The following ST3GAL1 variants were observed in gnomAD, a reference collection of about 807,000 sequenced individuals.
The protein encoded by ST3GAL1 is ST3 beta-galactoside alpha-2,3-sialyltransferase 1.
ST3GAL1 carries 16 observed loss-of-function variants against 34.1 expected under a neutral mutation model. The observed-to-expected ratio is 0.47, with a 90% CI of 0.32 to 0.71. The LOEUF is 0.71. Among genes scored for constraint, ST3GAL1 ranks in the 30% least tolerant of loss-of-function variants. The pLI, the probability that ST3GAL1 is intolerant of heterozygous loss-of-function variation, is 0.04. For synonymous variants in ST3GAL1, 191 were observed against 184.7 expected, an observed-to-expected ratio of 1.03 and a Z score of -0.28; for missense variants, 353 against 447.4, an observed-to-expected ratio of 0.79 and a Z score of 1.90.
intron 2 of ST3GAL1, among the ~76,000 whole-genome samples, chr8:133,524,990 G>A (rs981993801): frequency 7.2e-5 from 11 of 152,232 alleles, no homozygotes; most frequent in Admixed American, 5.2e-4. Context: ...CACCTGCAAC[G>A]TGGTGAATGG....
rs1343903944 is a variant in ST3GAL1, at chr8:133,552,469, G to C, written c.-581-6543C>G. On this transcript the variant is annotated intron_variant, in intron 1 of 9. Coordinates refer to ENST00000522652, the MANE Select transcript of ST3GAL1 (RefSeq NM_173344.3). ...GCTGCATGTCGAGAACCAGGTTTAT[G>C]GGCAGAAATTCTGGGTGTGTGAACC... 2.0e-5 allele frequency among the ~76,000 whole-genome samples: 3 copies of C among 152,292 alleles called. No individual in the cohort carries two copies. In the East Asian group the frequency reaches 5.8e-4, roughly 29 times the overall value.
chr8:133,503,481 C>T (rs1817245444), intron 2 of ST3GAL1, among the ~76,000 whole-genome samples: 1 of 152,048 alleles, frequency 6.6e-6, no homozygotes, highest in East Asian at 1.9e-4. Flanking sequence ...ATCTCCGCCA[C>T]CCCTCCTTGA....
rs139525153 is a variant in ST3GAL1 at position 133,461,931 on chromosome 8, G to A, written c.793C>T (p.Arg265Ter). 2.3e-5 allele frequency: 37 copies of A among 1,614,070 alleles called. No individual in the cohort carries two copies. Among genetic ancestry groups the A allele is most frequent in the Non-Finnish European group, 3.0e-5 (35 of 1,180,030 alleles). ...VFDNWLQGHG[R>*]YPSTGILSVI... ...GAGAGGATGCCGGTAGATGGGTATC[G>A]CCCGTGCCCTTGCAGCCAGTTGTCA... Residue 265 changes from arginine (R) to a stop codon, truncating the protein, a stop_gained, in exon 9 of 10, where the codon CGA (arginine) becomes TGA (stop). Transcript: ENST00000522652. LOFTEE classifies it high-confidence loss of function. The surrounding 1 kb of genome is among the most constrained non-coding windows in gnomAD (Gnocchi z 4.7).
intron 2 of ST3GAL1, among the ~76,000 whole-genome samples, chr8:133,509,954 G>C (rs1817458459): frequency 6.6e-6 from 1 of 152,058 alleles, no homozygotes; most frequent in East Asian, 1.9e-4. Flanking sequence ...AGCTACTCGG[G>C]TGGCTGAGGC....
Position 133,457,412 on chromosome 8 carries a change from T to C in ST3GAL1, c.*2352A>G, listed in dbSNP as rs1815340281. 6.6e-6 allele frequency: 1 copy of C among 152,202 alleles called. No homozygotes were observed. The highest frequency in any genetic ancestry group is 2.4e-5 in the African/African-American group (1 of 41,452). 9.4% of individuals were successfully genotyped at this position (152,202 alleles called of 1,614,324 possible). ...GGGAGAGTTGAGGAGATAGCATCGC[T>C]CTCTGTATCAGTGTCTGATGATCTG... is the stretch of plus-strand genomic sequence containing the variant. On this transcript the variant is annotated 3_prime_UTR_variant, in exon 10 of 10. Transcript: ENST00000522652.
rs374095413 is a variant in ST3GAL1, at chr8:133,466,092, T to C, written c.307-2A>G. ...GGGCTTCTTCTCCCGCTGGAGCCTCTGTGGGCGGAGGACAGAAGGTGGTCA... is the reference window on the plus strand; with the variant it reads ...GGGCTTCTTCTCCCGCTGGAGCCTCCGTGGGCGGAGGACAGAAGGTGGTCA... On this transcript the variant is annotated splice_acceptor_variant, in intron 5 of 9. Transcript: ENST00000522652. LOFTEE classifies it high-confidence loss of function. The surrounding 1 kb of genome is among the most constrained non-coding windows in gnomAD (Gnocchi z 4.4). The C allele has an allele frequency of 1.9e-6, 3 of 1,609,822 alleles. No homozygotes were observed. Among genetic ancestry groups the C allele is most frequent in the Non-Finnish European group, 2.5e-6 (3 of 1,177,018 alleles).
rs771312717 is a variant in ST3GAL1, at chr8:133,463,399, G to T, written c.729+15C>A. 3.7e-6 allele frequency: 6 copies of T among 1,613,416 alleles called. No homozygotes were observed. The highest frequency in any genetic ancestry group is 5.1e-6 in the Non-Finnish European group (6 of 1,179,706). The stretch of plus-strand genomic sequence containing the variant: ...AGCCTGAACTTAGAACAGAGGGGCC[G>T]GGGCCTCCACTCACCTTATCCTGTT... On this transcript the variant is annotated intron_variant, in intron 8 of 9. Coordinates refer to ENST00000522652, the MANE Select transcript of ST3GAL1 (RefSeq NM_173344.3).
At chr8:133,511,602 C>G (rs535197271) in intron 2 of ST3GAL1, among the ~76,000 whole-genome samples, 1 of 152,368 alleles carries the variant, frequency 6.6e-6, no homozygotes, top group Non-Finnish European at 1.5e-5. Context: ...AAACTTAGGT[C>G]ACCAGGCTCC....
intron 2 of ST3GAL1, among the ~76,000 whole-genome samples, chr8:133,540,432 TCCACC>T (rs1469944069): frequency 2.0e-5 from 3 of 152,074 alleles, no homozygotes; most frequent in African/African-American, 7.2e-5. Flanking sequence ...ACGGGGAGTG[TCCACC>T]CATGTGACAC....
chr8:133,547,762 C>G (rs1302740400), intron 1 of ST3GAL1, among the ~76,000 whole-genome samples: 1 of 152,196 alleles, frequency 6.6e-6, no homozygotes, highest in African/African-American at 2.4e-5. Flanking sequence ...CTGACTGATA[C>G]AACCACTGAG....
intron 3 of ST3GAL1, among the ~76,000 whole-genome samples, chr8:133,491,800 T>C (rs573904567): frequency 1.3e-5 from 2 of 152,148 alleles, no homozygotes; most frequent in East Asian, 3.9e-4. Context: ...CCCTACACAC[T>C]GAAGGTTGGA....
At chr8:133,552,862 C>G (rs558259446) in intron 1 of ST3GAL1, among the ~76,000 whole-genome samples, 1 of 152,164 alleles carries the variant, frequency 6.6e-6, no homozygotes, top group Non-Finnish European at 1.5e-5. Context: ...GCCAACAGCA[C>G]GCAAAGCATC....
chr8:133,478,993 CA>C (rs1205725307), intron 3 of ST3GAL1, among the ~76,000 whole-genome samples: 1 of 152,202 alleles, frequency 6.6e-6, no homozygotes, highest in Non-Finnish European at 1.5e-5. Context: ...GACTCTGAGT[CA>C]CATTTCCATT....
Position 133,570,970 on chromosome 8 carries a change from G to A in ST3GAL1, c.-582+723C>T, listed in dbSNP as rs1407127174. On this transcript the variant is annotated intron_variant, in intron 1 of 9. Coordinates refer to ENST00000522652, the MANE Select transcript of ST3GAL1 (RefSeq NM_173344.3). This position sits in a 1 kb window ranked among gnomAD's most constrained non-coding sequence, Gnocchi z 5.6. Reference sequence around the variant, plus strand: ...TCGAGTTGCCACTAACACGACTCCGGCCGTGCTCTCCTTGGCCCACCCGCG... The same window carrying A: ...TCGAGTTGCCACTAACACGACTCCGACCGTGCTCTCCTTGGCCCACCCGCG... 6.6e-6 allele frequency among the ~76,000 whole-genome samples: 1 copy of A among 152,214 alleles called. No individual in the cohort carries two copies. Among genetic ancestry groups the A allele is most frequent in the Non-Finnish European group, 1.5e-5 (1 of 68,032 alleles).
At chr8:133,551,974 G>C (rs548923433) in intron 1 of ST3GAL1, among the ~76,000 whole-genome samples, 4 of 152,194 alleles carry the variant, frequency 2.6e-5, no homozygotes, top group Admixed American at 6.5e-5. Flanking sequence ...AAAGGCTGGA[G>C]CCTGAATGAT....
chr8:133,532,541 T>A (rs896104498), intron 2 of ST3GAL1, among the ~76,000 whole-genome samples: 1 of 152,162 alleles, frequency 6.6e-6, no homozygotes, highest in Admixed American at 6.5e-5. Context: ...AATATTGAAA[T>A]AATTCCTCAA....
chr8:133,566,679 C>T (rs1157643266), intron 1 of ST3GAL1, among the ~76,000 whole-genome samples: 1 of 152,208 alleles, frequency 6.6e-6, no homozygotes, highest in Non-Finnish European at 1.5e-5. Context: ...GCCATGCCAC[C>T]CTCCCAAATC....
intron 2 of ST3GAL1, among the ~76,000 whole-genome samples, chr8:133,525,873 CA>C (rs139391138): frequency 0.016 from 2,509 of 152,246 alleles, 60 homozygotes; most frequent in African/African-American, 0.055. Context: ...GCCTGCATGA[CA>C]GGGGGGCTTC....
In ST3GAL1 at chr8:133,459,777, A is replaced by C; in HGVS notation, c.1010T>G (p.Phe337Cys). The change falls in exon 10 of 10, where the codon TTC (phenylalanine) becomes TGC (cysteine). Residue 337 changes from phenylalanine (F) to cysteine (C), a missense_variant. Coordinates refer to ENST00000522652, the MANE Select transcript of ST3GAL1 (RefSeq NM_173344.3). The surrounding 1 kb of genome is among the most constrained non-coding windows in gnomAD (Gnocchi z 4.7). ...CCCTTCACTGCGTCATCTCCCCTTG[A>C]AGATCCGGATTTTATTGATGGAGGC... ...TLASINKIRI[F>C]KGR 1.9e-6 allele frequency: 3 copies of C among 1,612,190 alleles called. No individual in the cohort carries two copies. The highest frequency in any genetic ancestry group is 2.5e-6 in the Non-Finnish European group (3 of 1,178,902).
Sources: gnomAD v4.1 joint callset for allele counts (sites outside exome capture counted in the v4.1 genomes callset) on GRCh38, gnomAD v4.1.1 for gene constraint, Gnocchi (gnomAD v3.1) non-coding constraint, MANE v1.5 for transcripts, NCBI Gene and HGNC (gene_info 2026-07-23, HGNC 2026-07-21) for gene names.